The following CEP85L variants were observed in gnomAD, a reference collection of about 807,000 sequenced individuals.
The protein encoded by CEP85L is centrosomal protein 85L.
In CEP85L, 60 loss-of-function variants were observed where a neutral mutation model predicts 100.3. The observed-to-expected ratio is 0.60, with a 90% CI of 0.49 to 0.74. The LOEUF is 0.74. Ranked by LOEUF, CEP85L falls within the 30% of genes least tolerant of loss-of-function variation. CEP85L has a pLI of 0.00. For missense variants in CEP85L, 973 were observed against 936.2 expected (o/e 1.04, Z -0.51); for synonymous variants, 319 against 322.7 (o/e 0.99, Z 0.12).
chr6:118,532,250 A>G (rs913549671), intron 3 of CEP85L, among the ~76,000 whole-genome samples: 2 of 152,134 alleles, frequency 1.3e-5, no homozygotes, highest in Non-Finnish European at 2.9e-5. Context: ...GAGAACTAAC[A>G]TAGGAACAGA....
At chr6:118,656,891 G>C (rs890063542), upstream of CEP85L, 2 of 152,148 alleles carry the variant, frequency 1.3e-5, no homozygotes, top group African/African-American at 4.8e-5. Flanking sequence ...CGAGATACTT[G>C]GGCCTGGCCA....
At chr6:118,633,003 A>G (rs529623938) in intron 1 of CEP85L, among the ~76,000 whole-genome samples, 33 of 152,350 alleles carry the variant, frequency 2.2e-4, no homozygotes, top group African/African-American at 7.2e-4. Context: ...GGAAAATTCA[A>G]TAATAATGCA....
chr6:118,702,995 CAAA>C (rs34426942), intron 1 of CEP85L, among the ~76,000 whole-genome samples: 12 of 93,676 alleles, frequency 1.3e-4, no homozygotes, highest in South Asian at 3.7e-4. Context: ...GACTCTGTCT[CAAA>C]AAAAAAAAAA....
In CEP85L at chr6:118,618,094, C is replaced by T. The variant is rs182559175; in HGVS notation, c.232+14359G>A. 5.9e-5 allele frequency among the ~76,000 whole-genome samples: 9 copies of T among 152,180 alleles called. 1 individual carries two copies. The highest frequency in any genetic ancestry group is 1.3e-4 in the Admixed American group (2 of 15,282). ...TTCTGTAGTGGTCCCGAAGTACACC[C>T]GGGAGTGCTCAGCAAATGTCATGGT... On this transcript the variant is annotated intron_variant, in intron 2 of 12. Coordinates refer to ENST00000368491, the MANE Select transcript of CEP85L (RefSeq NM_001042475.3).
Position 118,573,430 on chromosome 6 carries a change from T to G in CEP85L, c.233-7114A>C, listed in dbSNP as rs189348381. On this transcript the variant is annotated intron_variant, in intron 2 of 12. Transcript: ENST00000368491. ...GAACTGCTAAAGTTCCTTGAGTTTA[T>G]TTCAGAATAATGAATAATGAATTCT... Among the ~76,000 whole-genome samples, 345 of 152,348 alleles carry G rather than the reference T, an allele frequency of 2.3e-3. 1 individual carries two copies. The highest frequency in any genetic ancestry group is 6.8e-3 in the Middle Eastern group (2 of 294).
intron 2 of CEP85L, among the ~76,000 whole-genome samples, chr6:118,600,449 T>G (rs1781727641): frequency 6.6e-6 from 1 of 151,194 alleles, no homozygotes; most frequent in African/African-American, 2.4e-5. Flanking sequence ...GCCCCTCTGC[T>G]GTAGGTGGGA....
intron 2 of CEP85L, among the ~76,000 whole-genome samples, chr6:118,610,381 T>C (rs1772527202): frequency 6.6e-6 from 1 of 152,086 alleles, no homozygotes; most frequent in Non-Finnish European, 1.5e-5. Flanking sequence ...GAAGCCCAAG[T>C]AGGGAGATAG....
intron 2 of CEP85L, among the ~76,000 whole-genome samples, chr6:118,615,265 A>C (rs1236788118): frequency 2.0e-5 from 3 of 152,148 alleles, no homozygotes; most frequent in African/African-American, 7.2e-5. Context: ...TAAGAGTTTT[A>C]CTTACAGTAG....
intron 1 of CEP85L, among the ~76,000 whole-genome samples, chr6:118,637,751 A>C (rs1774604139): frequency 1.3e-5 from 2 of 151,350 alleles, no homozygotes; most frequent in Non-Finnish European, 2.9e-5. Flanking sequence ...TAAGAAGTTA[A>C]AGGCAAACAC....
At chr6:118,640,232 T>C (rs566006751) in intron 1 of CEP85L, among the ~76,000 whole-genome samples, 6 of 152,312 alleles carry the variant, frequency 3.9e-5, no homozygotes, top group Admixed American at 3.9e-4. Context: ...CATAGTGTTA[T>C]TTTCTCCATC....
chr6:118,571,775 T>C (rs563356590), intron 2 of CEP85L, among the ~76,000 whole-genome samples: 1 of 152,298 alleles, frequency 6.6e-6, no homozygotes, highest in South Asian at 2.1e-4. Flanking sequence ...TTTTCATACT[T>C]ATCAGTCAAC....
intron 1 of CEP85L, among the ~76,000 whole-genome samples, chr6:118,684,156 A>T (rs1038655692): frequency 1.3e-5 from 2 of 152,252 alleles, no homozygotes; most frequent in African/African-American, 4.8e-5. Context: ...ATTAAAAATC[A>T]AAACATTAAA....
At chr6:118,653,538 T>G (rs1263357810), upstream of CEP85L, among the ~76,000 whole-genome samples, 1 of 152,232 alleles carries the variant, frequency 6.6e-6, no homozygotes, top group Non-Finnish European at 1.5e-5. Context: ...TGATTAAAAT[T>G]TATCATAACA....
upstream of CEP85L, chr6:118,651,766 G>T: frequency 2.0e-6 from 2 of 986,532 alleles, no homozygotes; most frequent in African/African-American, 1.7e-5. Context: ...CGGCGACTGG[G>T]CTGTCCCGCC....
chr6:118,634,212 G>C (rs1038862879), intron 1 of CEP85L, among the ~76,000 whole-genome samples: 5 of 151,276 alleles, frequency 3.3e-5, no homozygotes, highest in African/African-American at 1.2e-4. Flanking sequence ...TAAACATAAG[G>C]GTAACAAAAC....
intron 1 of CEP85L, among the ~76,000 whole-genome samples, chr6:118,691,533 C>CAAAAAAAAAAAAAAAAAAA (rs372306868): frequency 1.1e-5 from 1 of 88,684 alleles, no homozygotes; most frequent in Non-Finnish European, 2.2e-5. Context: ...AACTCCATCT[C>CAAAAAAAAAAAAAAAAAAA]AAAAAAAAAA....
chr6:118,523,116 A>G (rs1006909912), intron 4 of CEP85L, among the ~76,000 whole-genome samples: 1 of 152,322 alleles, frequency 6.6e-6, no homozygotes, highest in South Asian at 2.1e-4. Flanking sequence ...TAAGAAAAAA[A>G]GCCTCCTGGA....
intron 11 of CEP85L, among the ~76,000 whole-genome samples, chr6:118,470,256 A>C (rs894710184): frequency 1.5e-4 from 23 of 152,078 alleles, no homozygotes; most frequent in African/African-American, 5.3e-4. Context: ...AGAATAACTC[A>C]ATAGCCTGGG....
chr6:118,547,152 A>C (rs1778254312), intron 3 of CEP85L, among the ~76,000 whole-genome samples: 1 of 152,146 alleles, frequency 6.6e-6, no homozygotes, highest in African/African-American at 2.4e-5. Flanking sequence ...AAATTAAAGA[A>C]GAGATTTAAG....
Sources: gnomAD v4.1 joint callset for allele counts (sites outside exome capture counted in the v4.1 genomes callset) on GRCh38, gnomAD v4.1.1 for gene constraint, MANE v1.5 for transcripts, NCBI Gene and HGNC (gene_info 2026-07-23, HGNC 2026-07-21) for gene names.